The following BBS9 variants were observed in gnomAD, a reference collection of about 807,000 sequenced individuals.
BBS9 encodes protein PTHB1.
In BBS9, 89 loss-of-function variants were observed where a neutral mutation model predicts 117.7. The observed-to-expected ratio is 0.76, with a 90% CI of 0.64 to 0.90. BBS9 has a LOEUF of 0.90. Among genes scored for constraint, BBS9 ranks in the 40% least tolerant of loss-of-function variants. The pLI is 0.00. For synonymous variants in BBS9, 379 were observed against 370.9 expected, an observed-to-expected ratio of 1.02 and a Z score of -0.25; for missense variants, 982 against 1,042.2, an observed-to-expected ratio of 0.94 and a Z score of 0.80.
chr7:33,294,415 G>A (rs563718486), intron 9 of BBS9, among the ~76,000 whole-genome samples: 2 of 150,162 alleles, frequency 1.3e-5, no homozygotes, highest in South Asian at 4.2e-4. Context: ...CCATCCATCC[G>A]AGTATGTATG....
chr7:33,498,664 C>T (rs1417484848), intron 19 of BBS9, among the ~76,000 whole-genome samples: 2 of 152,106 alleles, frequency 1.3e-5, no homozygotes, highest in East Asian at 1.9e-4. Context: ...CTTCAAGATT[C>T]ACCCATTTTG....
Position 33,251,118 on chromosome 7 carries a change from A to G in BBS9, c.443-6118A>G, listed in dbSNP as rs185693832. ...GACTCAAAGTGACTTCAGTATCTACAGGAATGAATTGCCTGCAGAGTTCAG... is the reference window on the plus strand; with the variant it reads ...GACTCAAAGTGACTTCAGTATCTACGGGAATGAATTGCCTGCAGAGTTCAG... On this transcript the variant is annotated intron_variant, in intron 5 of 22. Coordinates refer to ENST00000242067, the MANE Select transcript of BBS9 (RefSeq NM_198428.3). 7.8e-4 allele frequency among the ~76,000 whole-genome samples: 119 copies of G among 152,322 alleles called. 1 individual carries two copies. The highest frequency in any genetic ancestry group is 2.8e-3 in the African/African-American group (118 of 41,578).
chr7:33,608,188 C>T (rs1468250488), downstream of BBS9, among the ~76,000 whole-genome samples: 1 of 151,920 alleles, frequency 6.6e-6, no homozygotes, highest in Non-Finnish European at 1.5e-5. Context: ...GGATAATGGC[C>T]TCTAGCTACA....
chr7:33,335,978 G>A (rs940193860), intron 9 of BBS9, among the ~76,000 whole-genome samples: 14 of 152,084 alleles, frequency 9.2e-5, no homozygotes, highest in African/African-American at 3.4e-4. Flanking sequence ...AACTTCGTTG[G>A]TTTTCTGTCC....
chr7:33,618,617 G>A (rs118158721), intron 21 of BBS9, among the ~76,000 whole-genome samples: 4,951 of 152,204 alleles, frequency 0.033, 109 homozygotes, highest in South Asian at 0.058. Flanking sequence ...CACTTTGGAA[G>A]CCTGAGGTTG....
At chr7:33,551,143 A>G (rs1471653992) in intron 21 of BBS9, among the ~76,000 whole-genome samples, 3 of 152,146 alleles carry the variant, frequency 2.0e-5, no homozygotes, top group Admixed American at 2.0e-4. Flanking sequence ...AGCATTTGTT[A>G]AAAATAGGCT....
At chr7:33,519,951 C>T (rs369508164) in intron 20 of BBS9, among the ~76,000 whole-genome samples, 3 of 151,336 alleles carry the variant, frequency 2.0e-5, no homozygotes, top group South Asian at 2.1e-4. Context: ...ATAGGGTAGT[C>T]GAGAGAATTA....
chr7:33,448,133 C>T (rs758339788), intron 19 of BBS9, among the ~76,000 whole-genome samples: 1 of 152,164 alleles, frequency 6.6e-6, no homozygotes, highest in East Asian at 1.9e-4. Flanking sequence ...GATTCTTGGC[C>T]GCTAGTTTTC....
intron 6 of BBS9, among the ~76,000 whole-genome samples, chr7:33,260,249 G>A (rs775935687): frequency 1.1e-4 from 17 of 152,176 alleles, no homozygotes; most frequent in African/African-American, 2.6e-4. Context: ...CAGTCTGCCC[G>A]CCTCAGCCTC....
chr7:33,186,751 TA>T (rs1344842277), intron 5 of BBS9, among the ~76,000 whole-genome samples: 1 of 152,206 alleles, frequency 6.6e-6, no homozygotes, highest in Non-Finnish European at 1.5e-5. Context: ...CGTTGTTTTT[TA>T]AAATTTAAAT....
intron 19 of BBS9, among the ~76,000 whole-genome samples, chr7:33,433,122 TA>T (rs1834776498): frequency 6.6e-6 from 1 of 152,240 alleles, no homozygotes; most frequent in African/African-American, 2.4e-5. Context: ...ATGTGGGCTA[TA>T]ATTAACTCTT....
At chr7:33,615,135 C>G (rs183727277) in intron 21 of BBS9, among the ~76,000 whole-genome samples, 70 of 152,070 alleles carry the variant, frequency 4.6e-4, no homozygotes, top group Middle Eastern at 3.4e-3. Flanking sequence ...AACCTTACCA[C>G]CACATTACTA....
downstream of BBS9, among the ~76,000 whole-genome samples, chr7:33,610,091 C>T (rs1025787369): frequency 2.0e-5 from 3 of 151,922 alleles, no homozygotes; most frequent in African/African-American, 7.3e-5. Flanking sequence ...AAGGAACTGC[C>T]CTGAAGTTTA....
intron 9 of BBS9, among the ~76,000 whole-genome samples, chr7:33,333,375 ATACATTGTTTCATTCC>A (rs1814559689): frequency 6.6e-6 from 1 of 152,158 alleles, no homozygotes. Context: ...TTGCTGCAAA[ATACATTGTTTCATTCC>A]TTTTTATGGC....
intron 16 of BBS9, among the ~76,000 whole-genome samples, chr7:33,362,300 A>G (rs753007352): frequency 5.9e-5 from 9 of 152,136 alleles, no homozygotes; most frequent in Non-Finnish European, 1.0e-4. Context: ...CAATTTCTTA[A>G]TGGTTCATAA....
chr7:33,364,194 C>T lies in BBS9; in HGVS notation c.1694-3573C>T, dbSNP rs1355996992. Among the ~76,000 whole-genome samples, 19 of 32,108 alleles carry T rather than the reference C, an allele frequency of 5.9e-4. 8 individuals are homozygous for T. The highest frequency in any genetic ancestry group is 1.4e-3 in the African/African-American group (9 of 6,410). 21.1% of individuals were successfully genotyped at this position (32,108 alleles called of 152,430 possible). A position where few individuals can be genotyped will look rare whatever the true frequency, so the allele number is the denominator to read the frequency against. ...CGATCTCCTGACCTCGTGATCCGCC[C>T]GCCTCGGCCTCCCAAAGTGCTGGGA... On this transcript the variant is annotated intron_variant, in intron 16 of 22. Coordinates refer to ENST00000242067, the MANE Select transcript of BBS9 (RefSeq NM_198428.3).
intron 9 of BBS9, among the ~76,000 whole-genome samples, chr7:33,302,819 G>A (rs945278440): frequency 6.6e-6 from 1 of 152,124 alleles, no homozygotes; most frequent in Admixed American, 6.5e-5. Context: ...TGTGAAGAAT[G>A]TCATTGGTAT....
chr7:33,327,344 A>G (rs73313150), intron 9 of BBS9, among the ~76,000 whole-genome samples: 17,682 of 152,170 alleles, frequency 0.12, 1,245 homozygotes, highest in African/African-American at 0.19. Flanking sequence ...GAAAGTTACT[A>G]TAGAGGCACA....
chr7:33,627,907 G>C (rs147278868), intron 21 of BBS9, among the ~76,000 whole-genome samples: 2 of 152,222 alleles, frequency 1.3e-5, no homozygotes, highest in African/African-American at 4.8e-5. Flanking sequence ...AGCTGGATGT[G>C]GTGGTGCATG....
Sources: allele counts gnomAD v4.1 joint callset (sites outside exome capture counted in the v4.1 genomes callset), GRCh38; gene constraint gnomAD v4.1.1; transcripts MANE v1.5; gene names NCBI Gene and HGNC (gene_info 2026-07-23, HGNC 2026-07-21).